Variants in YAF2 observed in about 807,000 individuals in gnomAD.
YAF2 encodes YY1-associated factor 2.
A neutral mutation model predicts 20.1 loss-of-function variants in YAF2; 7 were observed. The ratio of observed to expected loss-of-function variants is 0.35; its 90% confidence interval spans 0.20 to 0.65. YAF2 has a LOEUF of 0.65. YAF2 is among the 30% of genes least tolerant of loss of function. The pLI is 0.69. For synonymous variants in YAF2, 74 were observed against 76.0 expected (o/e 0.97, Z 0.14); for missense variants, 151 against 219.2 (o/e 0.69, Z 1.96).
chr12:42,213,703 T>C (rs939169760), intron 2 of YAF2, among the ~76,000 whole-genome samples: 10 of 152,242 alleles, frequency 6.6e-5, no homozygotes, highest in African/African-American at 2.4e-4. Flanking sequence ...TAACATAATT[T>C]CATTATCATT....
chr12:42,204,540 T>G (rs1394903613), intron 2 of YAF2, among the ~76,000 whole-genome samples: 2 of 152,232 alleles, frequency 1.3e-5, no homozygotes, highest in South Asian at 2.1e-4. Context: ...ATAGGTTATA[T>G]GCAAATACTG....
chr12:42,210,411 C>G, intron 2 of YAF2: 1 of 1,533,354 alleles, frequency 6.5e-7, no homozygotes, highest in Non-Finnish European at 8.7e-7. Context: ...CTCTCTTGCC[C>G]TTCTGTTCAG....
At position 42,238,242 on chromosome 12, in the gene YAF2, G is replaced by T; in HGVS notation, c.-62C>A. 1 of 1,175,526 alleles carries T rather than the reference G, an allele frequency of 8.5e-7. No homozygotes were observed. The highest frequency in any genetic ancestry group is 1.1e-6 in the Non-Finnish European group (1 of 907,440). 72.8% of individuals were successfully genotyped at this position (1,175,526 alleles called of 1,614,324 possible). The stretch of plus-strand genomic sequence containing the variant: ...CGACCGCTCTGTTTGTCAATAAGGA[G>T]GATAATAAGCCGGGCGGAAGCGGGC... On this transcript the variant is annotated 5_prime_UTR_variant, in exon 1 of 4. Transcript: ENST00000534854.
intron 2 of YAF2, among the ~76,000 whole-genome samples, chr12:42,198,042 A>C (rs2066799973): frequency 6.6e-6 from 1 of 152,204 alleles, no homozygotes; most frequent in Non-Finnish European, 1.5e-5. Flanking sequence ...GTTAATTTGA[A>C]AACCTCTAAG....
chr12:42,184,254 G>T (rs2072958287), intron 2 of YAF2, among the ~76,000 whole-genome samples: 1 of 152,118 alleles, frequency 6.6e-6, no homozygotes, highest in South Asian at 2.1e-4. Context: ...TGCTAACACA[G>T]CATCCATTCT....
intron 2 of YAF2, chr12:42,232,933 TCTA>T: frequency 1.0e-6 from 1 of 985,426 alleles, no homozygotes; most frequent in Non-Finnish European, 1.2e-6. Flanking sequence ...AAAGGAAAGA[TCTA>T]CTAACACTAA....
At chr12:42,165,692 C>T (rs1055158928) in intron 2 of YAF2, among the ~76,000 whole-genome samples, 19 of 148,958 alleles carry the variant, frequency 1.3e-4, no homozygotes, top group African/African-American at 4.2e-4. Context: ...AGGATGGTCT[C>T]GATCTCCTGA....
At chr12:42,201,258 G>T (rs1247351298) in intron 2 of YAF2, among the ~76,000 whole-genome samples, 4 of 152,140 alleles carry the variant, frequency 2.6e-5, no homozygotes, top group Non-Finnish European at 4.4e-5. Context: ...TCAACTGCTA[G>T]ATAACAGAGT....
chr12:42,228,217 C>G (rs1477527002), intron 2 of YAF2, among the ~76,000 whole-genome samples: 2 of 94,662 alleles, frequency 2.1e-5, no homozygotes, highest in African/African-American at 4.3e-5. Context: ...GCCCCCCGCC[C>G]GGCCAGCCGC....
chr12:42,186,605 A>T (rs1175081929), intron 2 of YAF2, among the ~76,000 whole-genome samples: 3 of 151,988 alleles, frequency 2.0e-5, no homozygotes, highest in African/African-American at 7.3e-5. Flanking sequence ...CGAACCCAGG[A>T]GGTGGAGGTT....
chr12:42,233,222 C>A (rs1300499115), intron 2 of YAF2: 1 of 985,100 alleles, frequency 1.0e-6, no homozygotes, highest in Non-Finnish European at 1.2e-6. Context: ...TAAAATAACA[C>A]CTATGAGAAA....
chr12:42,227,321 C>A (rs2067750441), intron 2 of YAF2, among the ~76,000 whole-genome samples: 1 of 66,466 alleles, frequency 1.5e-5, no homozygotes, highest in South Asian at 6.1e-4. Context: ...CGTGAGGAGC[C>A]CCTCTGCCTG....
chr12:42,212,398 C>A, intron 2 of YAF2: 1 of 420,478 alleles, frequency 2.4e-6, no homozygotes, highest in South Asian at 1.8e-5. Flanking sequence ...GTACTAGATA[C>A]AGATATATTT....
chr12:42,202,307 T>C (rs1759484378), intron 2 of YAF2, among the ~76,000 whole-genome samples: 1 of 152,196 alleles, frequency 6.6e-6, no homozygotes, highest in Non-Finnish European at 1.5e-5. Flanking sequence ...AGCATACAAA[T>C]ACTGAATGTA....
At chr12:42,233,603 T>G in intron 2 of YAF2, 4 of 675,998 alleles carry the variant, frequency 5.9e-6, no homozygotes, top group African/African-American at 2.0e-5. Flanking sequence ...CCTCGAACTC[T>G]GGGGCTCAAG....
rs557432335 is a variant in YAF2, at chr12:42,168,936, C to T, written c.153-7171G>A. 1.4e-4 allele frequency among the ~76,000 whole-genome samples: 22 copies of T among 152,210 alleles called. No homozygotes were observed. In the South Asian group the frequency reaches 4.3e-3, roughly 30 times the overall value. Reference sequence around the variant, plus strand: ...AAATATTGTGGGGCTCATACCACCCCTCCCATCATAAGAACACTATACTCC... The same window carrying T: ...AAATATTGTGGGGCTCATACCACCCTTCCCATCATAAGAACACTATACTCC... On this transcript the variant is annotated intron_variant, in intron 2 of 3. Coordinates refer to ENST00000534854, the MANE Select transcript of YAF2 (RefSeq NM_005748.6).
At chr12:42,208,133 A>G (rs1338920735) in intron 2 of YAF2, among the ~76,000 whole-genome samples, 2 of 152,198 alleles carry the variant, frequency 1.3e-5, no homozygotes, top group Non-Finnish European at 2.9e-5. Context: ...ATATTTTTAA[A>G]AAATAGCAAT....
Position 42,167,331 on chromosome 12 carries a change from G to T in YAF2, c.153-5566C>A, listed in dbSNP as rs114006062. Among the ~76,000 whole-genome samples the T allele has an allele frequency of 8.6e-3, 1,308 of 152,134 alleles. 19 individuals are homozygous for T. The highest frequency in any genetic ancestry group is 0.03 in the African/African-American group (1,257 of 41,516). On this transcript the variant is annotated intron_variant, in intron 2 of 3. Transcript: ENST00000534854. ...TAAAAATAAATAAAATAGTTCCTAG[G>T]ATGTAATAGCAAACTATCTCAAGAT...
intron 2 of YAF2, among the ~76,000 whole-genome samples, chr12:42,219,861 G>C (rs953168062): frequency 6.6e-6 from 1 of 152,214 alleles, no homozygotes; most frequent in African/African-American, 2.4e-5. Flanking sequence ...GCTCCCAGGT[G>C]ATGCTAACGC....
Sources: allele counts gnomAD v4.1 joint callset (sites outside exome capture counted in the v4.1 genomes callset), GRCh38; gene constraint gnomAD v4.1.1; transcripts MANE v1.5; gene names NCBI Gene and HGNC (gene_info 2026-07-23, HGNC 2026-07-21).